The following IFT27 variants were observed in gnomAD, a reference collection of about 807,000 sequenced individuals.
IFT27 encodes the protein intraflagellar transport 27.
IFT27 carries 19 observed loss-of-function variants against 23.9 expected under a neutral mutation model. The observed-to-expected ratio is 0.79, with a 90% confidence interval of 0.55 to 1.16. The LOEUF is 1.16. IFT27 is among the 50% of genes most tolerant of loss of function. The pLI is 0.00. For missense variants in IFT27, 206 were observed against 228.7 expected (o/e 0.90, Z 0.64); for synonymous variants, 91 against 89.1 (o/e 1.02, Z -0.12).
chr22:36,767,504 C>G (rs779213937), intron 2 of IFT27, 139 bp from the exon 3 acceptor site: 2 of 758,328 alleles, frequency 2.6e-6, no homozygotes, highest in South Asian at 1.7e-5. Flanking sequence ...TTGTGAGAAG[C>G]AGCTCAGCAT....
Position 36,775,839 on chromosome 22 carries a change from G to A in IFT27, c.-132C>T. The A allele has an allele frequency of 1.1e-6, 1 of 887,272 alleles. No individual in the cohort carries two copies. The highest frequency in any genetic ancestry group is 1.3e-5 in the South Asian group (1 of 74,336). The allele number at this position is 887,272 out of a possible 1,614,324, so 55.0% of individuals were successfully genotyped here. On this transcript the variant is annotated 5_prime_UTR_variant, in exon 1 of 7. Coordinates refer to ENST00000433985, the MANE Select transcript of IFT27 (RefSeq NM_001177701.3). ...AGGGGAGGGCTGATCTCAAGGGTCAGTGGCCGCGACGGGACTGGGGATGAC... is the reference window on the plus strand; with the variant it reads ...AGGGGAGGGCTGATCTCAAGGGTCAATGGCCGCGACGGGACTGGGGATGAC...
At chr22:36,769,118 G>C (rs1938335442) in intron 1 of IFT27, among the ~76,000 whole-genome samples, 1 of 152,172 alleles carries the variant, frequency 6.6e-6, no homozygotes, top group African/African-American at 2.4e-5. Flanking sequence ...AGGTTTGAGT[G>C]AGCTATTCAG....
At chr22:36,773,009 G>T (rs767025430) in intron 1 of IFT27, among the ~76,000 whole-genome samples, 4 of 152,204 alleles carry the variant, frequency 2.6e-5, no homozygotes, top group Non-Finnish European at 5.9e-5. Flanking sequence ...CCACTAACTA[G>T]GCAGTGGCTG....
At chr22:36,764,878 G>C (rs2145917619) in intron 4 of IFT27, among the ~76,000 whole-genome samples, 1 of 152,328 alleles carries the variant, frequency 6.6e-6, no homozygotes, top group East Asian at 1.9e-4. Context: ...TCTTGGCCAT[G>C]CTCTGGTTTC....
At chr22:36,772,557 G>A in intron 1 of IFT27, 1 of 985,104 alleles carries the variant, frequency 1.0e-6, no homozygotes, top group Non-Finnish European at 1.2e-6. Context: ...GCTGTGCCTG[G>A]AGGCATTTCC....
intron 6 of IFT27, chr22:36,759,465 G>A (rs893653163): frequency 1.3e-5 from 2 of 152,082 alleles, no homozygotes; most frequent in African/African-American, 4.8e-5. Flanking sequence ...TGGAAAAAAC[G>A]GGCCCCTCCA....
rs536312352 is a variant in IFT27 at position 36,772,617 on chromosome 22, C to A, written c.34+3057G>T. ...TCACTTTGTGTTCGCTGTGTTAGAA[C>A]GTATCACACGCATCTTAGTTCTTCC... On this transcript the variant is annotated intron_variant, in intron 1 of 6. Transcript: ENST00000433985. 1.6e-5 allele frequency: 16 copies of A among 985,456 alleles called. No individual in the cohort carries two copies. The Admixed American group carries it at 5.5e-4, about 34-fold the overall frequency. The allele number at this position is 985,456 out of a possible 1,614,324, so 61.0% of individuals were successfully genotyped here. A position where few individuals can be genotyped will look rare whatever the true frequency, so the allele number is the denominator to read the frequency against.
Position 36,767,796 on chromosome 22 carries a change from T to C in IFT27, c.101A>G (p.Lys34Arg). The C allele has an allele frequency of 6.2e-7, 1 of 1,614,168 alleles. No homozygotes were observed. Among genetic ancestry groups the C allele is most frequent in the Non-Finnish European group, 8.5e-7 (1 of 1,179,996 alleles). ...ACCCCAGCTCACCAGGGTGTAGCTTTTCTGGAAATGGGCTCCATCACTGCG... is the reference window on the plus strand; with the variant it reads ...ACCCCAGCTCACCAGGGTGTAGCTTCTCTGGAAATGGGCTCCATCACTGCG... ...IFRSDGAHFQ[K>R]SYTLTTGMDL... The change falls in exon 2 of 7, where the codon AAA becomes AGA. Residue 34 changes from lysine (K) to arginine (R), a missense_variant. Physicochemically the swap from Lys to Arg is conservative, Grantham distance 26. Coordinates refer to ENST00000433985, the MANE Select transcript of IFT27 (RefSeq NM_001177701.3).
rs200349828 is a variant in IFT27 at position 36,758,295 on chromosome 22, G to C, written c.*16C>G. 1 of 1,590,666 alleles carries C rather than the reference G, an allele frequency of 6.3e-7. No homozygotes were observed. Among genetic ancestry groups the C allele is most frequent in the Non-Finnish European group, 8.6e-7 (1 of 1,158,520 alleles). On this transcript the variant is annotated 3_prime_UTR_variant, in exon 7 of 7. Transcript: ENST00000433985. Reference sequence around the variant, plus strand: ...TCTGTCTTCTCCGGTTGTGCAGCACGATCTGCTCCAGCTCGTCATGCCAGG... The same window carrying C: ...TCTGTCTTCTCCGGTTGTGCAGCACCATCTGCTCCAGCTCGTCATGCCAGG...
chr22:36,775,432 G>A lies in IFT27; in HGVS notation c.34+242C>T, dbSNP rs375737283. Among the ~76,000 whole-genome samples, 22 of 152,308 alleles carry A rather than the reference G, an allele frequency of 1.4e-4. 1 individual carries two copies. The highest frequency in any genetic ancestry group is 4.8e-4 in the African/African-American group (20 of 41,570). On this transcript the variant is annotated intron_variant, in intron 1 of 6. Coordinates refer to ENST00000433985, the MANE Select transcript of IFT27 (RefSeq NM_001177701.3). ...GATTTTTTAACGAGTCACCTCAACT[G>A]GTGAAGGTGGTCTCAGAGTATGTGA...
At position 36,767,236 on chromosome 22, in the gene IFT27, G is replaced by T. The variant is rs752083924; in HGVS notation, c.174+70C>A. On this transcript the variant is annotated intron_variant, in intron 3 of 6. Coordinates refer to ENST00000433985, the MANE Select transcript of IFT27 (RefSeq NM_001177701.3). Reference sequence around the variant, plus strand: ...GCACTGCATCTCTCCTAGGGAGGATGGTGTGACCACAGAGACCCTGGGCCC... The same window carrying T: ...GCACTGCATCTCTCCTAGGGAGGATTGTGTGACCACAGAGACCCTGGGCCC... 7 of 1,219,872 alleles carry T rather than the reference G, an allele frequency of 5.7e-6. No individual in the cohort carries two copies. The Admixed American group carries it at 1.0e-4, about 18-fold the overall frequency. The allele number at this position is 1,219,872 out of a possible 1,614,324, so 75.6% of individuals were successfully genotyped here.
At position 36,758,422 on chromosome 22, in the gene IFT27, T is replaced by C. The variant is rs777805137; in HGVS notation, c.463-13A>G. 6.2e-7 allele frequency: 1 copy of C among 1,607,104 alleles called. No homozygotes were observed. Among genetic ancestry groups the C allele is most frequent in the Non-Finnish European group, 8.5e-7 (1 of 1,174,038 alleles). ...TTTCCATCTCTTTCTGGAAAGACAG[T>C]TTAAAAAGTTGGCTGTGTTCTTTTA... On this transcript the variant is annotated splice_polypyrimidine_tract_variant and intron_variant, in intron 6 of 6. Transcript: ENST00000433985.
chr22:36,765,909 A>C (rs111428560), intron 4 of IFT27, among the ~76,000 whole-genome samples: 4,549 of 152,316 alleles, frequency 0.03, 208 homozygotes, highest in African/African-American at 0.1. Flanking sequence ...CTCTTGGCCC[A>C]TTGGATCCTG....
chr22:36,758,732 C>T (rs1454137732), intron 6 of IFT27: 1 of 274,820 alleles, frequency 3.6e-6, no homozygotes, highest in Non-Finnish European at 7.1e-6. Flanking sequence ...GAAAATGACA[C>T]CTTTCCTCAG....
At chr22:36,768,361 G>A (rs1258887702) in intron 1 of IFT27, 3 of 315,520 alleles carry the variant, frequency 9.5e-6, no homozygotes, top group Non-Finnish European at 1.9e-5. Flanking sequence ...GCATTTGTGG[G>A]AAGCAAGAAG....
intron 6 of IFT27, chr22:36,759,448 TAAGCGGTGG>T (rs1938019617): frequency 6.6e-6 from 1 of 152,138 alleles, no homozygotes; most frequent in Admixed American, 6.5e-5. Context: ...AGATTTTATC[TAAGCGGTGG>T]AAAAAACGGG....
In IFT27 at chr22:36,775,540, G is replaced by C; in HGVS notation, c.34+134C>G. Reference sequence around the variant, plus strand: ...ACGCCTAACGTAATTTACTGTATCAGTAATTGCAGTAACTCGCCTTTGGGA... The same window carrying C: ...ACGCCTAACGTAATTTACTGTATCACTAATTGCAGTAACTCGCCTTTGGGA... On this transcript the variant is annotated intron_variant, in intron 1 of 6. Transcript: ENST00000433985. 6.8e-6 allele frequency: 6 copies of C among 883,998 alleles called. No individual in the cohort carries two copies. In the South Asian group the frequency reaches 8.2e-5, roughly 12 times the overall value. The allele number at this position is 883,998 out of a possible 1,614,324, so 54.8% of individuals were successfully genotyped here.
chr22:36,758,617 A>G (rs192494399), intron 6 of IFT27: 135 of 576,368 alleles, frequency 2.3e-4, no homozygotes, highest in Middle Eastern at 1.9e-3. Context: ...GGTACCTTGC[A>G]GGAAGCCACA....
chr22:36,763,165 G>T (rs1938144089), intron 5 of IFT27, 152 bp from the exon 6 acceptor site: 1 of 498,286 alleles, frequency 2.0e-6, no homozygotes, highest in Admixed American at 3.9e-5. Context: ...GGAAAGCCGG[G>T]GGTCTCTCGT....
Sources: gnomAD v4.1 joint callset for allele counts (sites outside exome capture counted in the v4.1 genomes callset) on GRCh38, gnomAD v4.1.1 for gene constraint, MANE v1.5 for transcripts, NCBI Gene and HGNC (gene_info 2026-07-23, HGNC 2026-07-21) for gene names.